ZFYVE28: variants seen among roughly 807,000 people sequenced by gnomAD.
ZFYVE28 encodes the protein lateral signaling target protein 2 homolog.
ZFYVE28 carries 40 observed loss-of-function variants against 82.1 expected under a neutral mutation model. The ratio of observed to expected loss-of-function variants is 0.49; its 90% CI spans 0.38 to 0.63. The LOEUF is 0.63. Ranked by LOEUF, ZFYVE28 falls within the 30% of genes least tolerant of loss-of-function variation. The pLI is 0.00. For synonymous variants in ZFYVE28, 612 were observed against 546.1 expected (o/e 1.12, Z -1.68); for missense variants, 1,321 against 1,242.1 (o/e 1.06, Z -0.96).
intron 5 of ZFYVE28, among the ~76,000 whole-genome samples, chr4:2,337,121 T>C (rs775129074): frequency 1.1e-4 from 17 of 152,032 alleles, no homozygotes; most frequent in Non-Finnish European, 2.5e-4. Context: ...GCTTTTGTCC[T>C]CTGACAGTGA....
Position 2,399,130 on chromosome 4 carries a change from T to TAAGGTACAAGGAG in ZFYVE28, c.39+19154_39+19155insCTCCTTGTACCTT, listed in dbSNP as rs1553865445. Among the ~76,000 whole-genome samples the TAAGGTACAAGGAG allele has an allele frequency of 1.2e-4, 13 of 104,722 alleles. No individual in the cohort carries two copies. The East Asian group carries it at 3.6e-3, about 29-fold the overall frequency. 68.7% of individuals were successfully genotyped at this position (104,722 alleles called of 152,430 possible). On this transcript the variant is annotated intron_variant, in intron 1 of 12. Coordinates refer to ENST00000290974, the MANE Select transcript of ZFYVE28 (RefSeq NM_020972.3). The stretch of plus-strand genomic sequence containing the variant: ...CTGGGGCAAGATGGAGGGCACAAGC[T>TAAGGTACAAGGAG]GGGTGGTGAGATCCAGGGCACAAGG...
chr4:2,344,124 A>ATGG (rs1009953054), intron 2 of ZFYVE28, among the ~76,000 whole-genome samples: 6 of 152,360 alleles, frequency 3.9e-5, no homozygotes, highest in African/African-American at 1.4e-4. Context: ...GTTTCAAGTC[A>ATGG]TGGAACAGGA....
chr4:2,388,217 A>C (rs930594397), intron 1 of ZFYVE28, among the ~76,000 whole-genome samples: 4 of 152,230 alleles, frequency 2.6e-5, no homozygotes, highest in Non-Finnish European at 5.9e-5. Context: ...CAAGACACAT[A>C]AAAACTGGCA....
rs1284133423 is a variant in ZFYVE28 at position 2,372,827 on chromosome 4, C to T, written c.40-18754G>A. Among the ~76,000 whole-genome samples, 4 of 152,140 alleles carry T rather than the reference C, an allele frequency of 2.6e-5. No homozygotes were observed. Among genetic ancestry groups the T allele is most frequent in the African/African-American group, 9.7e-5 (4 of 41,428 alleles). Reference sequence around the variant, plus strand: ...CCCTAAGACCTAGCCTCCCCGAGGCCTCTCCCCATGGCTGACTCACTGCAG... The same window carrying T: ...CCCTAAGACCTAGCCTCCCCGAGGCTTCTCCCCATGGCTGACTCACTGCAG... On this transcript the variant is annotated intron_variant, in intron 1 of 12. Coordinates refer to ENST00000290974, the MANE Select transcript of ZFYVE28 (RefSeq NM_020972.3). The surrounding 1 kb of genome is among the most constrained non-coding windows in gnomAD (Gnocchi z 5.2).
In ZFYVE28 at chr4:2,271,382, C is replaced by T; in HGVS notation, c.2461G>A (p.Gly821Ser). The change falls in exon 12 of 13, where the codon GGC becomes AGC. Residue 821 changes from glycine to serine, a missense_variant. Coordinates refer to ENST00000290974, the MANE Select transcript of ZFYVE28 (RefSeq NM_020972.3). Reference protein sequence around the residue: ...PPEWVPDEACGFCTACKAPFT... With the variant: ...PPEWVPDEACSFCTACKAPFT... ...GGTGCTTTGCACGCCGTGCAGAAGC[C>T]ACAGGCCTCGTCTGGCACCCACTCC... 1.9e-6 allele frequency: 3 copies of T among 1,612,886 alleles called. No individual in the cohort carries two copies. The highest frequency in any genetic ancestry group is 2.5e-6 in the Non-Finnish European group (3 of 1,179,940).
intron 8 of ZFYVE28, chr4:2,287,612 T>A (rs1486739947): frequency 4.6e-5 from 7 of 152,244 alleles, no homozygotes; most frequent in Non-Finnish European, 1.0e-4. Flanking sequence ...CTGCGGCTGG[T>A]GTTCCCTCTA....
chr4:2,398,726 A>G (rs1730778223), intron 1 of ZFYVE28, among the ~76,000 whole-genome samples: 1 of 3,724 alleles, frequency 2.7e-4, no homozygotes, highest in African/African-American at 1.1e-3. Context: ...CGGGGGCAAG[A>G]TCGAGGGCAC....
chr4:2,413,962 G>A (rs1487198655), intron 1 of ZFYVE28, among the ~76,000 whole-genome samples: 1 of 152,204 alleles, frequency 6.6e-6, no homozygotes, highest in East Asian at 1.9e-4. Flanking sequence ...TCAGCCACCA[G>A]TGGGGAGCCC....
At chr4:2,349,609 C>T (rs1285763796) in intron 2 of ZFYVE28, among the ~76,000 whole-genome samples, 1 of 152,186 alleles carries the variant, frequency 6.6e-6, no homozygotes, top group Admixed American at 6.5e-5. Flanking sequence ...GTGTACTAGG[C>T]ACTGGGATGT....
At chr4:2,358,979 T>TC (rs1261200126) in intron 1 of ZFYVE28, among the ~76,000 whole-genome samples, 5 of 148,046 alleles carry the variant, frequency 3.4e-5, no homozygotes, top group African/African-American at 1.3e-4. Flanking sequence ...TTTTTTCTTT[T>TC]TTTTTTTTTT....
chr4:2,364,979 C>T (rs1657737338), intron 1 of ZFYVE28: 9 of 878,160 alleles, frequency 1.0e-5, no homozygotes, highest in Non-Finnish European at 1.1e-5. Flanking sequence ...GTGTCCCGGG[C>T]GCACGCGGGG....
At chr4:2,373,563 T>C (rs572983608) in intron 1 of ZFYVE28, among the ~76,000 whole-genome samples, 2 of 152,200 alleles carry the variant, frequency 1.3e-5, no homozygotes, top group South Asian at 2.1e-4. Context: ...CAGTGTTTCC[T>C]GGAGCTGAAA....
chr4:2,301,632 G>C lies in ZFYVE28; in HGVS notation c.2051+2657C>G, dbSNP rs545655214. The stretch of plus-strand genomic sequence containing the variant: ...GGTGGGAGGAGCTTCTGGAGGGGGT[G>C]GGCGTCCACTGGCTGTCACCTGGAC... On this transcript the variant is annotated intron_variant, in intron 8 of 12. Transcript: ENST00000290974. Among the ~76,000 whole-genome samples, 101 of 142,256 alleles carry C rather than the reference G, an allele frequency of 7.1e-4. 1 individual carries two copies. In the South Asian group the frequency reaches 0.014, roughly 19 times the overall value. 93.3% of individuals were successfully genotyped at this position (142,256 alleles called of 152,430 possible).
intron 1 of ZFYVE28, among the ~76,000 whole-genome samples, chr4:2,368,853 C>T (rs928374779): frequency 6.6e-6 from 1 of 152,214 alleles, no homozygotes; most frequent in Non-Finnish European, 1.5e-5. Flanking sequence ...GGCCATATGG[C>T]ACTTCTGTGT....
Position 2,270,467 on chromosome 4 carries a change from T to C in ZFYVE28, c.*258A>G, listed in dbSNP as rs1403182308. On this transcript the variant is annotated 3_prime_UTR_variant, in exon 13 of 13. Transcript: ENST00000290974. ...CCCAGGCCTTCTCCGCCAGGCACCCTGCCCTGAGGCAGCCACCAGGCTCCT... is the reference window on the plus strand; with the variant it reads ...CCCAGGCCTTCTCCGCCAGGCACCCCGCCCTGAGGCAGCCACCAGGCTCCT... The C allele has an allele frequency of 1.9e-6, 1 of 536,994 alleles. No individual in the cohort carries two copies. Among genetic ancestry groups the C allele is most frequent in the Admixed American group, 3.2e-5 (1 of 30,836 alleles). The allele number at this position is 536,994 out of a possible 1,614,324, so 33.3% of individuals were successfully genotyped here.
At chr4:2,343,715 G>A (rs1228675776) in intron 2 of ZFYVE28, among the ~76,000 whole-genome samples, 1 of 151,992 alleles carries the variant, frequency 6.6e-6, no homozygotes, top group Non-Finnish European at 1.5e-5. Flanking sequence ...CTCAGCCCAG[G>A]TGGCACAGCT....
At chr4:2,381,314 T>C (rs1728712226) in intron 1 of ZFYVE28, among the ~76,000 whole-genome samples, 1 of 152,242 alleles carries the variant, frequency 6.6e-6, no homozygotes, top group Non-Finnish European at 1.5e-5. Context: ...AAGCAAAGCA[T>C]TCAAGAAGTG....
intron 1 of ZFYVE28, among the ~76,000 whole-genome samples, chr4:2,391,071 C>T (rs1729766066): frequency 6.6e-6 from 1 of 152,224 alleles, no homozygotes; most frequent in Non-Finnish European, 1.5e-5. Flanking sequence ...TGCCTGTGGG[C>T]ACGCAGCCTC....
chr4:2,271,524 C>T (rs1250892455), intron 11 of ZFYVE28, 110 bp from the exon 12 acceptor site: 1 of 1,435,728 alleles, frequency 7.0e-7, no homozygotes, highest in Non-Finnish European at 9.7e-7. Context: ...GCCGCCTGGC[C>T]TCCAGCCAGC....
Sources: gnomAD v4.1 joint callset for allele counts (sites outside exome capture counted in the v4.1 genomes callset) on GRCh38, gnomAD v4.1.1 for gene constraint, Gnocchi (gnomAD v3.1) non-coding constraint, MANE v1.5 for transcripts, NCBI Gene and HGNC (gene_info 2026-07-23, HGNC 2026-07-21) for gene names.